The following CNTN4 variants were observed in gnomAD, a reference collection of about 807,000 sequenced individuals.
The protein encoded by CNTN4 is contactin 4, also known as contactin-4.
A neutral mutation model predicts 122.5 loss-of-function variants in CNTN4; 77 were observed. The ratio of observed to expected loss-of-function variants is 0.63; its 90% CI spans 0.52 to 0.76. The LOEUF (loss-of-function observed/expected upper bound fraction) is 0.76, where lower values mean the gene tolerates loss of function less well. CNTN4 is among the 30% of genes least tolerant of loss of function. The pLI, the probability that CNTN4 is intolerant of heterozygous loss-of-function variation, is 0.00. For missense variants in CNTN4, 1,256 were observed against 1,259.1 expected (o/e 1.00, Z 0.04); for synonymous variants, 512 against 447.0 (o/e 1.15, Z -1.83).
chr3:2,555,417 A>G (rs1224573288), intron 3 of CNTN4, among the ~76,000 whole-genome samples: 1 of 152,220 alleles, frequency 6.6e-6, no homozygotes, highest in East Asian at 1.9e-4. Context: ...CACACCGATT[A>G]ATGAATGAGA....
intron 3 of CNTN4, among the ~76,000 whole-genome samples, chr3:2,399,759 G>A (rs2046772644): frequency 6.6e-6 from 1 of 151,940 alleles, no homozygotes; most frequent in African/African-American, 2.4e-5. Flanking sequence ...GTTAATAATG[G>A]ATTTGGTCTG....
chr3:2,561,216 G>A (rs908682872), intron 3 of CNTN4, among the ~76,000 whole-genome samples: 1 of 152,112 alleles, frequency 6.6e-6, no homozygotes. Flanking sequence ...GCCTGTTGCT[G>A]TCTGTATGTG....
chr3:2,580,804 A>T (rs2079900306), intron 4 of CNTN4, among the ~76,000 whole-genome samples: 1 of 152,182 alleles, frequency 6.6e-6, no homozygotes, highest in African/African-American at 2.4e-5. Context: ...TGTATGCACT[A>T]TCACCCTTAA....
intron 14 of CNTN4, among the ~76,000 whole-genome samples, chr3:3,002,399 A>G (rs1696139120): frequency 1.3e-5 from 2 of 152,186 alleles, no homozygotes; most frequent in South Asian, 4.1e-4. Flanking sequence ...CCAACTAGGG[A>G]CGAATATAAT....
intron 4 of CNTN4, among the ~76,000 whole-genome samples, chr3:2,601,472 C>A (rs1193857248): frequency 4.6e-5 from 7 of 152,054 alleles, no homozygotes; most frequent in Non-Finnish European, 8.8e-5. Flanking sequence ...TTTCCTCATT[C>A]CTTGTTTTTG....
At chr3:2,441,201 A>C (rs1331300465) in intron 3 of CNTN4, among the ~76,000 whole-genome samples, 2 of 152,160 alleles carry the variant, frequency 1.3e-5, no homozygotes, top group Non-Finnish European at 2.9e-5. Flanking sequence ...AGTAATTACA[A>C]AATAAAAGAA....
chr3:2,973,492 T>A (rs528353643), intron 13 of CNTN4, among the ~76,000 whole-genome samples: 3 of 152,146 alleles, frequency 2.0e-5, no homozygotes, highest in Admixed American at 6.5e-5. Flanking sequence ...TGTGCATAGC[T>A]TCATTTTGGG....
chr3:3,047,706 C>G lies in CNTN4; in HGVS notation c.2811+4002C>G, dbSNP rs540447379. On this transcript the variant is annotated intron_variant, in intron 23 of 24. Coordinates refer to ENST00000418658, the MANE Select transcript of CNTN4 (RefSeq NM_175607.3). ...ATCTAAAATTGACACCCTAACATCACAATTAAAAGAACTAGAGAAGCAAGA... is the reference window on the plus strand; with the variant it reads ...ATCTAAAATTGACACCCTAACATCAGAATTAAAAGAACTAGAGAAGCAAGA... Among the ~76,000 whole-genome samples, 506 of 149,984 alleles carry G rather than the reference C, an allele frequency of 3.4e-3. 2 individuals are homozygous for G. Among genetic ancestry groups the G allele is most frequent in the Non-Finnish European group, 5.0e-3 (340 of 67,592 alleles).
chr3:2,992,765 C>T (rs1695166449), intron 14 of CNTN4, among the ~76,000 whole-genome samples: 1 of 152,178 alleles, frequency 6.6e-6, no homozygotes, highest in African/African-American at 2.4e-5. Flanking sequence ...TGCTGAACTA[C>T]ATCCAAACTG....
chr3:2,525,486 C>A (rs962636106), intron 3 of CNTN4, among the ~76,000 whole-genome samples: 1 of 152,048 alleles, frequency 6.6e-6, no homozygotes, highest in Non-Finnish European at 1.5e-5. Context: ...ATGTAAGCTG[C>A]ATTTAATGTG....
At chr3:2,795,899 A>G (rs991675314) in intron 6 of CNTN4, among the ~76,000 whole-genome samples, 10 of 152,212 alleles carry the variant, frequency 6.6e-5, no homozygotes, top group Non-Finnish European at 1.2e-4. Flanking sequence ...AAATAAAAAT[A>G]TATAACATTT....
intron 6 of CNTN4, among the ~76,000 whole-genome samples, chr3:2,817,386 C>T (rs1010599691): frequency 2.6e-5 from 4 of 152,196 alleles, no homozygotes; most frequent in Admixed American, 6.5e-5. Flanking sequence ...CAAATACAGT[C>T]TTTCCATTTG....
At chr3:2,461,081 C>A (rs1471275865) in intron 3 of CNTN4, among the ~76,000 whole-genome samples, 2 of 152,032 alleles carry the variant, frequency 1.3e-5, no homozygotes, top group African/African-American at 4.8e-5. Flanking sequence ...GACTAGTAAC[C>A]CACCTTACCC....
chr3:2,447,045 G>GA (rs751979611), intron 3 of CNTN4, among the ~76,000 whole-genome samples: 109 of 152,246 alleles, frequency 7.2e-4, no homozygotes, highest in Middle Eastern at 6.8e-3. Context: ...TTCAATTTAA[G>GA]AAAAAATTAT....
rs539463460 is a variant in CNTN4 at position 3,055,240 on chromosome 3, CA to C, written c.2981-879del. On this transcript the variant is annotated intron_variant, in intron 24 of 24. Coordinates refer to ENST00000418658, the MANE Select transcript of CNTN4 (RefSeq NM_175607.3). ...AGATGTGGAAGTAAAATCTCCAGGC[CA>C]CAAAAATACAAGATTGGGGCTTATC... Among the ~76,000 whole-genome samples, 898 of 134,692 alleles carry C rather than the reference CA, an allele frequency of 6.7e-3. 4 individuals carry two copies. The highest frequency in any genetic ancestry group is 0.022 in the African/African-American group (808 of 36,818). 88.4% of individuals were successfully genotyped at this position (134,692 alleles called of 152,430 possible). A position where few individuals can be genotyped will look rare whatever the true frequency, so the allele number is the denominator to read the frequency against.
chr3:2,951,852 G>A (rs2094749136), intron 13 of CNTN4, among the ~76,000 whole-genome samples: 1 of 152,160 alleles, frequency 6.6e-6, no homozygotes, highest in African/African-American at 2.4e-5. Flanking sequence ...TTTTGTTTTG[G>A]ATTGCCAGGA....
chr3:2,795,338 T>C (rs2092137211), intron 6 of CNTN4, among the ~76,000 whole-genome samples: 1 of 151,990 alleles, frequency 6.6e-6, no homozygotes, highest in African/African-American at 2.4e-5. Context: ...TCCCCTCTCT[T>C]CTCTCCAAAA....
intron 3 of CNTN4, among the ~76,000 whole-genome samples, chr3:2,569,000 C>T (rs891081219): frequency 6.6e-6 from 1 of 152,180 alleles, no homozygotes; most frequent in Admixed American, 6.5e-5. Context: ...ATACCCTGAT[C>T]ATTTGCTTAA....
intron 4 of CNTN4, among the ~76,000 whole-genome samples, chr3:2,617,268 C>T (rs1384665739): frequency 6.6e-6 from 1 of 151,978 alleles, no homozygotes; most frequent in Non-Finnish European, 1.5e-5. Flanking sequence ...TATTCAGCAT[C>T]TACAAGGAAC....
Sources: allele counts gnomAD v4.1 joint callset (sites outside exome capture counted in the v4.1 genomes callset), GRCh38; gene constraint gnomAD v4.1.1; transcripts MANE v1.5; gene names NCBI Gene and HGNC (gene_info 2026-07-23, HGNC 2026-07-21).